Variants in RFC3 observed in about 807,000 individuals in gnomAD.
RFC3 encodes A1 38 kDa subunit.
In RFC3, 41 loss-of-function variants were observed where a neutral mutation model predicts 45.1. The ratio of observed to expected loss-of-function variants is 0.91; its 90% CI spans 0.71 to 1.18. The LOEUF (loss-of-function observed/expected upper bound fraction) is 1.18. RFC3 is among the 50% of genes most tolerant of loss of function. The probability of loss-of-function intolerance (pLI) is 0.00; values close to 1 mark genes in which losing one functional copy is unlikely to be tolerated. For synonymous variants in RFC3, 149 were observed against 144.0 expected (o/e 1.03, Z -0.25); for missense variants, 423 against 428.1 (o/e 0.99, Z 0.10).
At chr13:33,883,193 T>C (rs1283778371) in intron 8 of RFC3, among the ~76,000 whole-genome samples, 1 of 152,220 alleles carries the variant, frequency 6.6e-6, no homozygotes, top group Non-Finnish European at 1.5e-5. Flanking sequence ...ACCAACTATA[T>C]ATCTTAAAAT....
chr13:33,949,908 C>G (rs376500414), intron 8 of RFC3, among the ~76,000 whole-genome samples: 4 of 152,132 alleles, frequency 2.6e-5, no homozygotes, highest in African/African-American at 9.7e-5. Flanking sequence ...CCTTTAAACT[C>G]AAGCTAAAAT....
intron 8 of RFC3, among the ~76,000 whole-genome samples, chr13:33,940,397 G>A (rs2082915463): frequency 6.6e-6 from 1 of 152,138 alleles, no homozygotes; most frequent in Admixed American, 6.5e-5. Context: ...TTTCATCAGA[G>A]AATATTCTCT....
In RFC3 at chr13:33,858,795, CTATT is replaced by C. The variant is rs948995682; in HGVS notation, c.879+23581_879+23584del. Among the ~76,000 whole-genome samples, 4 of 152,116 alleles carry C rather than the reference CTATT, an allele frequency of 2.6e-5. No homozygotes were observed. In the East Asian group the frequency reaches 5.8e-4, roughly 22 times the overall value. ...ATGGAAAAATGAGATATTTATCTAT[CTATT>C]TAAGTGGAAATGAACATGGTAGGCT... On this transcript the variant is annotated intron_variant, in intron 8 of 8. Coordinates refer to the RFC3 transcript ENST00000434425.
chr13:33,838,136 C>T (rs866134087), downstream of RFC3, among the ~76,000 whole-genome samples: 9 of 152,022 alleles, frequency 5.9e-5, no homozygotes, highest in Non-Finnish European at 8.8e-5. Context: ...TTTTGAAGAT[C>T]GTTCTTAGGT....
chr13:33,868,007 T>G (rs998309607), intron 8 of RFC3, among the ~76,000 whole-genome samples: 1 of 152,190 alleles, frequency 6.6e-6, no homozygotes, highest in Admixed American at 6.5e-5. Flanking sequence ...ATAACATCAC[T>G]CAGAGCTCTT....
chr13:33,928,485 G>C (rs535129149), intron 8 of RFC3, among the ~76,000 whole-genome samples: 1 of 152,188 alleles, frequency 6.6e-6, no homozygotes, highest in East Asian at 1.9e-4. Flanking sequence ...ACCATGCTCT[G>C]AGCTTGATAT....
chr13:33,825,711 C>T, intron 3 of RFC3, 78 bp from the exon 4 acceptor site: 1 of 688,120 alleles, frequency 1.5e-6, no homozygotes, highest in Non-Finnish European at 2.2e-6. Flanking sequence ...AAATTTTGAC[C>T]ACTTAAGAAC....
intron 8 of RFC3, among the ~76,000 whole-genome samples, chr13:33,958,851 T>C (rs1053657983): frequency 6.6e-6 from 1 of 152,170 alleles, no homozygotes; most frequent in Admixed American, 6.5e-5. Flanking sequence ...CCCATTTGCC[T>C]CCATGATCTA....
chr13:33,960,321 T>C (rs1221980306), intron 8 of RFC3, among the ~76,000 whole-genome samples: 2 of 152,288 alleles, frequency 1.3e-5, no homozygotes, highest in East Asian at 3.9e-4. Flanking sequence ...TGAACAGATA[T>C]ATGGCCTTGG....
chr13:33,966,448 C>A (rs2137879489), exon 9 of RFC3: 2 of 361,288 alleles, frequency 5.5e-6, no homozygotes, highest in South Asian at 1.2e-4. Context: ...TTATTTCCAT[C>A]TGTATCCCTA....
intron 8 of RFC3, chr13:33,846,189 A>G (rs2082235466): frequency 6.6e-6 from 1 of 152,218 alleles, no homozygotes; most frequent in African/African-American, 2.4e-5. Context: ...GCCTATGACC[A>G]CTACCACTGG....
chr13:33,915,742 A>G (rs1302254357), intron 8 of RFC3, among the ~76,000 whole-genome samples: 2 of 152,148 alleles, frequency 1.3e-5, no homozygotes, highest in Non-Finnish European at 2.9e-5. Flanking sequence ...AATGACTAAA[A>G]TTATTCGTAA....
At chr13:33,902,264 C>G (rs2082646199) in intron 8 of RFC3, among the ~76,000 whole-genome samples, 1 of 152,046 alleles carries the variant, frequency 6.6e-6, no homozygotes, top group Non-Finnish European at 1.5e-5. Flanking sequence ...CAGTGTGGTT[C>G]TATCAGAAGC....
At chr13:33,903,729 G>A (rs970619161) in intron 8 of RFC3, among the ~76,000 whole-genome samples, 1 of 152,020 alleles carries the variant, frequency 6.6e-6, no homozygotes, top group Non-Finnish European at 1.5e-5. Context: ...TATTAGTTAG[G>A]TTTATTTCAT....
chr13:33,922,960 A>G (rs1012467783), intron 8 of RFC3, among the ~76,000 whole-genome samples: 1 of 152,162 alleles, frequency 6.6e-6, no homozygotes, highest in Non-Finnish European at 1.5e-5. Flanking sequence ...TAAGTGTTCA[A>G]TAAATCACTG....
At chr13:33,875,580 A>C (rs2082440655) in intron 8 of RFC3, among the ~76,000 whole-genome samples, 1 of 152,176 alleles carries the variant, frequency 6.6e-6, no homozygotes, top group Non-Finnish European at 1.5e-5. Context: ...GCCACATAAC[A>C]ATCCTTAGGA....
At chr13:33,877,702 A>T (rs1229280608) in intron 8 of RFC3, among the ~76,000 whole-genome samples, 1 of 148,998 alleles carries the variant, frequency 6.7e-6, no homozygotes, top group African/African-American at 2.4e-5. Context: ...ATAGATTATA[A>T]TAAAATAAGT....
intron 8 of RFC3, among the ~76,000 whole-genome samples, chr13:33,881,221 T>C (rs1047817154): frequency 6.6e-6 from 1 of 152,226 alleles, no homozygotes; most frequent in African/African-American, 2.4e-5. Flanking sequence ...TGGAATTTAA[T>C]GGTCATTTTG....
chr13:33,900,357 A>G (rs561691478), intron 8 of RFC3, among the ~76,000 whole-genome samples: 1 of 152,096 alleles, frequency 6.6e-6, no homozygotes, highest in East Asian at 1.9e-4. Context: ...CAGAGTAGAG[A>G]GCCCAGACAT....
Sources: gnomAD v4.1 joint callset for allele counts (sites outside exome capture counted in the v4.1 genomes callset) on GRCh38, gnomAD v4.1.1 for gene constraint, MANE v1.5 for transcripts, NCBI Gene and HGNC (gene_info 2026-07-23, HGNC 2026-07-21) for gene names.